The following EVC variants were observed in gnomAD, a reference collection of about 807,000 sequenced individuals.
EVC encodes evC complex member EVC.
Under a neutral mutation model 118.9 loss-of-function variants are expected in EVC, and 116 were observed. The ratio of observed to expected loss-of-function variants is 0.98; its 90% CI spans 0.84 to 1.14. The LOEUF is 1.14. EVC is among the 50% of genes most tolerant of loss of function. The probability of loss-of-function intolerance (pLI) is 0.00; values close to 1 mark genes in which losing one functional copy is unlikely to be tolerated. For synonymous variants in EVC, 619 were observed against 534.7 expected, an observed-to-expected ratio of 1.16 and a Z score of -2.18; for missense variants, 1,401 against 1,246.4, an observed-to-expected ratio of 1.12 and a Z score of -1.87.
At chr4:5,766,625 A>T in intron 11 of EVC, among the ~76,000 whole-genome samples, 1 of 132,566 alleles carries the variant, frequency 7.5e-6, no homozygotes, top group African/African-American at 2.9e-5. Context: ...TTTTCTCTAA[A>T]CTTCCCTTCT....
rs145532378 is a variant in EVC at position 5,725,923 on chromosome 4, G to C, written c.301-3384G>C. On this transcript the variant is annotated intron_variant, in intron 2 of 20. Transcript: ENST00000264956. ...TAATGAGGGGTCTTCCCCCATTCTT[G>C]TCACCCAAGTCTTTTTGTGAGTTGT... Among the ~76,000 whole-genome samples, 149 of 152,200 alleles carry C rather than the reference G, an allele frequency of 9.8e-4. 1 individual carries two copies. Among genetic ancestry groups the C allele is most frequent in the East Asian group, 2.3e-3 (12 of 5,170 alleles).
rs764556070 is a variant in EVC, at chr4:5,753,932, A to C, written c.1463A>C (p.Glu488Ala). The change falls in exon 10 of 21, where the codon GAG becomes GCG. Residue 488 changes from glutamate to alanine, a missense_variant and splice_region_variant. Transcript: ENST00000264956. ...QPTADPEKFL[E>A]AFHEVLERQR... ...ACTGCTGACCCGGAAAAGTTTCTCG[A>C]GGTGACTCACATCCCCAGCCTCTGC... The C allele has an allele frequency of 1.2e-6, 2 of 1,612,850 alleles. No individual in the cohort carries two copies. Among genetic ancestry groups the C allele is most frequent in the Admixed American group, 3.3e-5 (2 of 60,020 alleles).
chr4:5,804,874 G>C, intron 17 of EVC, 33 bp downstream of exon 17: 2 of 1,548,928 alleles, frequency 1.3e-6, no homozygotes, highest in Non-Finnish European at 1.8e-6. Context: ...ACGTAGGGCT[G>C]TTCTCTACCC....
At position 5,798,910 on chromosome 4, in the gene EVC, C is replaced by A; in HGVS notation, c.2304+118C>A. ...GGAGCTTGTGGCCTAGTAGACTTTGCCTGACTTCTCCATGACTTGATTTTC... is the reference window on the plus strand; with the variant it reads ...GGAGCTTGTGGCCTAGTAGACTTTGACTGACTTCTCCATGACTTGATTTTC... On this transcript the variant is annotated intron_variant, in intron 15 of 20. Transcript: ENST00000264956. This position sits in a 1 kb window ranked among gnomAD's most constrained non-coding sequence, Gnocchi z 4.1. 1 of 1,092,560 alleles carries A rather than the reference C, an allele frequency of 9.2e-7. No individual in the cohort carries two copies. Among genetic ancestry groups the A allele is most frequent in the Non-Finnish European group, 1.4e-6 (1 of 730,912 alleles). 67.7% of individuals were successfully genotyped at this position (1,092,560 alleles called of 1,614,324 possible).
intron 12 of EVC, chr4:5,793,404 G>A (rs1029931999): frequency 1.4e-4 from 83 of 599,318 alleles, no homozygotes; most frequent in Admixed American, 8.7e-5. Context: ...TAAAATTTTC[G>A]TATTTGCATT....
chr4:5,744,440 A>G (rs147410143), intron 6 of EVC, among the ~76,000 whole-genome samples: 106 of 152,138 alleles, frequency 7.0e-4, no homozygotes, highest in African/African-American at 2.2e-3. Context: ...CCTCCCACAC[A>G]CTATCTTGGG....
intron 11 of EVC, among the ~76,000 whole-genome samples, chr4:5,773,979 T>A (rs1388800609): frequency 6.6e-6 from 1 of 152,028 alleles, no homozygotes; most frequent in Non-Finnish European, 1.5e-5. Context: ...CCCAGAAAGA[T>A]CCATTCCGTG....
At chr4:5,814,896 G>A (rs894678390), downstream of EVC, among the ~76,000 whole-genome samples, 1 of 152,098 alleles carries the variant, frequency 6.6e-6, no homozygotes, top group African/African-American at 2.4e-5. Flanking sequence ...TAGGTCCTGT[G>A]TTCTTTGCTG....
chr4:5,779,937 C>T (rs556316879), intron 11 of EVC, among the ~76,000 whole-genome samples: 1,618 of 150,886 alleles, frequency 0.011, 31 homozygotes, highest in African/African-American at 0.037. Context: ...AAAGGGAATG[C>T]TTCCAGTTTT....
intron 15 of EVC, among the ~76,000 whole-genome samples, chr4:5,799,077 A>C (rs1299156946): frequency 1.3e-5 from 2 of 152,150 alleles, no homozygotes; most frequent in Non-Finnish European, 2.9e-5. Context: ...TGAGTGAGAC[A>C]TGGTGTCACC....
chr4:5,769,561 A>C (rs11731928), intron 11 of EVC, among the ~76,000 whole-genome samples: 1 of 152,072 alleles, frequency 6.6e-6, no homozygotes. Context: ...GTGGCTCGGC[A>C]CCTCACAAAC....
At chr4:5,713,370 T>C (rs1025740879) in intron 1 of EVC, among the ~76,000 whole-genome samples, 14 of 152,232 alleles carry the variant, frequency 9.2e-5, no homozygotes, top group Admixed American at 8.5e-4. Flanking sequence ...CAGTGACTCC[T>C]GGCTGCCTGC....
At chr4:5,760,124 T>C (rs1419490255) in intron 11 of EVC, among the ~76,000 whole-genome samples, 3 of 152,100 alleles carry the variant, frequency 2.0e-5, no homozygotes, top group South Asian at 4.1e-4. Context: ...TAACTGTGAA[T>C]AGATGGGAGG....
chr4:5,735,750 G>C (rs771189658), intron 5 of EVC, among the ~76,000 whole-genome samples: 14 of 151,690 alleles, frequency 9.2e-5, no homozygotes, highest in Non-Finnish European at 1.9e-4. Context: ...CTGTGTGAGT[G>C]AAAGGCCCCT....
chr4:5,714,113 C>G (rs1024810466), intron 1 of EVC, among the ~76,000 whole-genome samples: 4 of 152,196 alleles, frequency 2.6e-5, no homozygotes, highest in African/African-American at 7.2e-5. Flanking sequence ...CTTTCTTAGA[C>G]TCTATCCTGC....
In EVC at chr4:5,789,501, C is replaced by T. The variant is rs560502360; in HGVS notation, c.1777-4107C>T. On this transcript the variant is annotated intron_variant, in intron 12 of 20. Transcript: ENST00000264956. This position sits in a 1 kb window ranked among gnomAD's most constrained non-coding sequence, Gnocchi z 4.3. Reference sequence around the variant, plus strand: ...CCTCGGGAGTTGATTGTAGAGTCCACCCCACCTAAAAACCCTCCCTGTTTC... The same window carrying T: ...CCTCGGGAGTTGATTGTAGAGTCCATCCCACCTAAAAACCCTCCCTGTTTC... 3.0e-4 allele frequency among the ~76,000 whole-genome samples: 45 copies of T among 152,296 alleles called. No individual in the cohort carries two copies. The highest frequency in any genetic ancestry group is 1.1e-3 in the African/African-American group (45 of 41,558).
chr4:5,735,260 G>A (rs1283082795), intron 5 of EVC, among the ~76,000 whole-genome samples: 1 of 152,212 alleles, frequency 6.6e-6, no homozygotes, highest in Non-Finnish European at 1.5e-5. Context: ...GGCACCTGAG[G>A]GAATGCAGAG....
intron 17 of EVC, among the ~76,000 whole-genome samples, chr4:5,806,576 C>G (rs116683085): frequency 0.012 from 1,794 of 152,202 alleles, 40 homozygotes; most frequent in African/African-American, 0.041. Context: ...ACCACATTTT[C>G]CTTATCCAGT....
At chr4:5,757,275 C>G (rs1254485894) in intron 11 of EVC, among the ~76,000 whole-genome samples, 2 of 152,158 alleles carry the variant, frequency 1.3e-5, no homozygotes, top group African/African-American at 4.8e-5. Flanking sequence ...AAGGTGACGT[C>G]AAGGACAGCA....
Sources: gnomAD v4.1 joint callset for allele counts (sites outside exome capture counted in the v4.1 genomes callset) on GRCh38, gnomAD v4.1.1 for gene constraint, Gnocchi (gnomAD v3.1) non-coding constraint, MANE v1.5 for transcripts, NCBI Gene and HGNC (gene_info 2026-07-23, HGNC 2026-07-21) for gene names.